The following SLC20A2 variants were observed in gnomAD, a reference collection of about 807,000 sequenced individuals.
SLC20A2 encodes sodium-dependent phosphate transporter 2.
SLC20A2 carries 30 observed loss-of-function variants against 61.0 expected under a neutral mutation model. The ratio of observed to expected loss-of-function variants is 0.49; its 90% CI spans 0.37 to 0.67. The LOEUF (loss-of-function observed/expected upper bound fraction) is 0.67. Among genes scored for constraint, SLC20A2 ranks in the 30% least tolerant of loss-of-function variants. The pLI is 0.00. For synonymous variants in SLC20A2, 351 were observed against 353.3 expected, an observed-to-expected ratio of 0.99 and a Z score of 0.07; for missense variants, 626 against 866.4, an observed-to-expected ratio of 0.72 and a Z score of 3.48.
chr8:42,420,063 G>A (rs1802939189), intron 10 of SLC20A2, among the ~76,000 whole-genome samples: 1 of 152,034 alleles, frequency 6.6e-6, no homozygotes, highest in African/African-American at 2.4e-5. Context: ...GTGCACACCT[G>A]TAGTCCCAGC....
At chr8:42,430,950 A>C (rs1282752085) in intron 8 of SLC20A2, among the ~76,000 whole-genome samples, 1 of 152,088 alleles carries the variant, frequency 6.6e-6, no homozygotes, top group Non-Finnish European at 1.5e-5. Context: ...TGCTCCACTG[A>C]CCGGCCACTG....
At chr8:42,468,033 GC>G (rs1319337940) in intron 2 of SLC20A2, among the ~76,000 whole-genome samples, 1 of 151,670 alleles carries the variant, frequency 6.6e-6, no homozygotes, top group Admixed American at 6.6e-5. Flanking sequence ...CTCCCGAGTA[GC>G]TGGGACTACA....
At chr8:42,464,031 G>C (rs1158311023) in intron 3 of SLC20A2, among the ~76,000 whole-genome samples, 1 of 149,108 alleles carries the variant, frequency 6.7e-6, no homozygotes, top group Non-Finnish European at 1.5e-5. Context: ...TGCCAGGCAG[G>C]CTTACAAGGT....
At chr8:42,538,694 T>C (rs1169270924) in intron 1 of SLC20A2, among the ~76,000 whole-genome samples, 10 of 152,236 alleles carry the variant, frequency 6.6e-5, no homozygotes, top group Non-Finnish European at 1.5e-4. Context: ...GCACTCCATC[T>C]GAGAGCCAAA....
At position 42,438,070 on chromosome 8, in the gene SLC20A2, A is replaced by AAAAAAAAAAAAAAAAAAAAAC. The variant is rs1804464167; in HGVS notation, c.935-494_935-493insGTTTTTTTTTTTTTTTTTTTT. ...ACCACTAAAAAAAAAAACCAAAAAA[A>AAAAAAAAAAAAAAAAAAAAAC]AAAAAAAAAAAAAAAAAAACATGGA... On this transcript the variant is annotated intron_variant, in intron 7 of 10. Coordinates refer to ENST00000520262, the MANE Select transcript of SLC20A2 (RefSeq NM_001257180.2). Among the ~76,000 whole-genome samples, 2 of 148,174 alleles carry AAAAAAAAAAAAAAAAAAAAAC rather than the reference A, an allele frequency of 1.3e-5. 1 individual carries two copies. Among genetic ancestry groups the AAAAAAAAAAAAAAAAAAAAAC allele is most frequent in the Non-Finnish European group, 3.0e-5 (2 of 67,100 alleles).
intron 1 of SLC20A2, chr8:42,480,527 C>T (rs1460708377): frequency 6.6e-6 from 1 of 152,178 alleles, no homozygotes; most frequent in Non-Finnish European, 1.5e-5. Context: ...CGATGTAAAA[C>T]ATAAAACACA....
chr8:42,517,240 T>C (rs977031269), intron 1 of SLC20A2, among the ~76,000 whole-genome samples: 3 of 152,008 alleles, frequency 2.0e-5, no homozygotes, highest in Non-Finnish European at 2.9e-5. Flanking sequence ...AGGTGGCTCA[T>C]GCCTGTAATC....
chr8:42,522,204 G>C (rs1811639608), intron 1 of SLC20A2, among the ~76,000 whole-genome samples: 1 of 120,716 alleles, frequency 8.3e-6, no homozygotes, highest in African/African-American at 2.5e-5. Context: ...CCAGGTACTA[G>C]AGCCTATCTC....
intron 5 of SLC20A2, among the ~76,000 whole-genome samples, chr8:42,449,758 T>G (rs942463233): frequency 2.0e-5 from 3 of 152,218 alleles, no homozygotes; most frequent in African/African-American, 2.4e-5. Flanking sequence ...CATCCTCCCC[T>G]CTTCAACTTA....
chr8:42,470,372 C>T (rs565922378), intron 2 of SLC20A2, among the ~76,000 whole-genome samples: 27 of 151,984 alleles, frequency 1.8e-4, no homozygotes, highest in Non-Finnish European at 3.1e-4. Context: ...CATGTGCCAC[C>T]ATGCCCAGCT....
chr8:42,490,382 G>C (rs921611417), intron 1 of SLC20A2, among the ~76,000 whole-genome samples: 2 of 152,152 alleles, frequency 1.3e-5, no homozygotes, highest in Non-Finnish European at 2.9e-5. Context: ...TGGATCACTT[G>C]AGGCCAGGAG....
chr8:42,430,945 C>T (rs1036670249), intron 8 of SLC20A2, among the ~76,000 whole-genome samples: 1 of 152,176 alleles, frequency 6.6e-6, no homozygotes, highest in Non-Finnish European at 1.5e-5. Flanking sequence ...CTCCCTGCTC[C>T]ACTGACCGGC....
At chr8:42,514,769 GAA>G (rs35484439) in intron 1 of SLC20A2, among the ~76,000 whole-genome samples, 3 of 134,222 alleles carry the variant, frequency 2.2e-5, no homozygotes, top group African/African-American at 8.3e-5. Flanking sequence ...AAAAAAAAAA[GAA>G]AAAAAAAAAG....
At chr8:42,483,553 C>T (rs990069631) in intron 1 of SLC20A2, among the ~76,000 whole-genome samples, 2 of 152,182 alleles carry the variant, frequency 1.3e-5, no homozygotes, top group African/African-American at 4.8e-5. Context: ...AAGCGAGGGA[C>T]GAGAATAGCC....
At chr8:42,505,739 A>G (rs527938866), upstream of SLC20A2, among the ~76,000 whole-genome samples, 1 of 152,080 alleles carries the variant, frequency 6.6e-6, no homozygotes, top group East Asian at 2.0e-4. Flanking sequence ...CTCTACAAAA[A>G]ACTTAGCCGG....
At chr8:42,435,959 T>C (rs1804215850) in intron 8 of SLC20A2, among the ~76,000 whole-genome samples, 1 of 151,638 alleles carries the variant, frequency 6.6e-6, no homozygotes, top group African/African-American at 2.4e-5. Context: ...CTACTAGAAA[T>C]AGAAAAATTA....
At chr8:42,533,682 G>C (rs192540605) in intron 1 of SLC20A2, among the ~76,000 whole-genome samples, 4 of 34,508 alleles carry the variant, frequency 1.2e-4, no homozygotes, top group African/African-American at 5.1e-4. Flanking sequence ...TTTTTGAGAC[G>C]GGAGTCTTAC....
At position 42,455,255 on chromosome 8, in the gene SLC20A2, T is replaced by TAGAG. The variant is rs748099834; in HGVS notation, c.613+4640_613+4641insCTCT. On this transcript the variant is annotated intron_variant, in intron 5 of 10. Coordinates refer to ENST00000520262, the MANE Select transcript of SLC20A2 (RefSeq NM_001257180.2). ...AAAAAAAAAAAAATATATATATATATATAGAGAGAGAGAGAGAGAGAGAGA... is the reference window on the plus strand; with the variant it reads ...AAAAAAAAAAAAATATATATATATATAGAGATAGAGAGAGAGAGAGAGAGAGAGA... 3.1e-3 allele frequency among the ~76,000 whole-genome samples: 304 copies of TAGAG among 97,020 alleles called. 1 individual carries two copies. The highest frequency in any genetic ancestry group is 6.4e-3 in the Middle Eastern group (1 of 156). The allele number at this position is 97,020 out of a possible 152,430, so 63.6% of individuals were successfully genotyped here.
At chr8:42,435,754 C>T (rs1464230793) in intron 8 of SLC20A2, among the ~76,000 whole-genome samples, 1 of 152,172 alleles carries the variant, frequency 6.6e-6, no homozygotes. Flanking sequence ...GCTCCAGCGG[C>T]TGCATCGTGC....
Sources: allele counts gnomAD v4.1 joint callset (sites outside exome capture counted in the v4.1 genomes callset), GRCh38; gene constraint gnomAD v4.1.1; transcripts MANE v1.5; gene names NCBI Gene and HGNC (gene_info 2026-07-23, HGNC 2026-07-21).